AGBL4: variants seen among roughly 807,000 people sequenced by gnomAD.
The protein encoded by AGBL4 is cytosolic carboxypeptidase 6.
In AGBL4, 58 loss-of-function variants were observed where a neutral mutation model predicts 66.4. The ratio of observed to expected loss-of-function variants is 0.87; its 90% CI spans 0.71 to 1.09. AGBL4 has a LOEUF of 1.09. Among genes scored for constraint, AGBL4 ranks in the 50% least tolerant of loss-of-function variants. The pLI is 0.00. For missense variants in AGBL4, 579 were observed against 631.0 expected, an observed-to-expected ratio of 0.92 and a Z score of 0.88; for synonymous variants, 234 against 222.9, an observed-to-expected ratio of 1.05 and a Z score of -0.44.
At chr1:49,541,186 C>A (rs1318382393) in intron 3 of AGBL4, among the ~76,000 whole-genome samples, 2 of 152,230 alleles carry the variant, frequency 1.3e-5, no homozygotes, top group Non-Finnish European at 2.9e-5. Context: ...GCTGGCAGCC[C>A]TCACTCACTC....
chr1:48,940,987 G>A (rs747424454), intron 5 of AGBL4, among the ~76,000 whole-genome samples: 1 of 152,072 alleles, frequency 6.6e-6, no homozygotes, highest in Non-Finnish European at 1.5e-5. Context: ...GAGGGGAGTG[G>A]GCAGGCAGAG....
At chr1:48,973,814 T>A (rs1205699734) in intron 5 of AGBL4, among the ~76,000 whole-genome samples, 2 of 152,172 alleles carry the variant, frequency 1.3e-5, no homozygotes, top group Non-Finnish European at 2.9e-5. Flanking sequence ...GGAACTGTCA[T>A]CTACACTTAT....
chr1:49,043,069 G>A (rs989414359), intron 5 of AGBL4, among the ~76,000 whole-genome samples: 6 of 152,038 alleles, frequency 3.9e-5, no homozygotes, highest in Admixed American at 2.0e-4. Context: ...AAAAAAGATC[G>A]CAATTCATAT....
intron 3 of AGBL4, among the ~76,000 whole-genome samples, chr1:49,249,915 C>T (rs1651916748): frequency 6.6e-6 from 1 of 152,138 alleles, no homozygotes; most frequent in African/African-American, 2.4e-5. Flanking sequence ...TAAATCCTGT[C>T]ATTTGCAGCA....
intron 6 of AGBL4, among the ~76,000 whole-genome samples, chr1:48,724,116 T>C (rs867880233): frequency 6.6e-6 from 1 of 152,146 alleles, no homozygotes; most frequent in East Asian, 1.9e-4. Context: ...CAGTAAGGAA[T>C]GAACAGGTGT....
chr1:48,712,984 C>T (rs1395105319), intron 6 of AGBL4, among the ~76,000 whole-genome samples: 1 of 152,138 alleles, frequency 6.6e-6, no homozygotes. Context: ...TTGTCACTCC[C>T]AGGGGTGCAG....
chr1:48,634,894 C>T (rs1570082341), intron 8 of AGBL4, among the ~76,000 whole-genome samples: 1 of 152,166 alleles, frequency 6.6e-6, no homozygotes, highest in South Asian at 2.1e-4. Context: ...AGACACATGA[C>T]CCATAGACAC....
chr1:48,560,965 T>C (rs1557786660), intron 11 of AGBL4, among the ~76,000 whole-genome samples: 2 of 152,374 alleles, frequency 1.3e-5, no homozygotes, highest in East Asian at 3.9e-4. Context: ...AAGCTTCTTG[T>C]GATTTGCCCC....
At chr1:49,677,986 C>T (rs1455990699) in intron 3 of AGBL4, among the ~76,000 whole-genome samples, 1 of 152,086 alleles carries the variant, frequency 6.6e-6, no homozygotes, top group African/African-American at 2.4e-5. Flanking sequence ...TATTTTGTTA[C>T]GGCACCTAAA....
At chr1:49,780,275 G>A (rs1302515277) in intron 2 of AGBL4, among the ~76,000 whole-genome samples, 3 of 152,128 alleles carry the variant, frequency 2.0e-5, no homozygotes, top group South Asian at 4.2e-4. Flanking sequence ...TTTTAAAAAC[G>A]TGTAATTGTA....
chr1:49,465,982 T>C (rs909392718), intron 3 of AGBL4, among the ~76,000 whole-genome samples: 1 of 151,860 alleles, frequency 6.6e-6, no homozygotes, highest in Non-Finnish European at 1.5e-5. Context: ...ATGACTCATT[T>C]TATTGCTTCA....
rs141728001 is a variant in AGBL4, at chr1:49,636,158, G to T, written c.282+61155C>A. Among the ~76,000 whole-genome samples, 513 of 152,248 alleles carry T rather than the reference G, an allele frequency of 3.4e-3. 5 individuals carry two copies. Among genetic ancestry groups the T allele is most frequent in the African/African-American group, 0.012 (496 of 41,554 alleles). Reference sequence around the variant, plus strand: ...AACCAGAGAGTAGAATGGATAAACTGAGTGTTATAACAAAATATAACAGAG... The same window carrying T: ...AACCAGAGAGTAGAATGGATAAACTTAGTGTTATAACAAAATATAACAGAG... On this transcript the variant is annotated intron_variant, in intron 3 of 13. Transcript: ENST00000371839.
At chr1:49,521,756 T>C (rs879375850) in intron 3 of AGBL4, among the ~76,000 whole-genome samples, 2 of 152,130 alleles carry the variant, frequency 1.3e-5, no homozygotes, top group East Asian at 1.9e-4. Flanking sequence ...TGGCAAAGAA[T>C]TAATGACTAA....
chr1:49,247,810 T>C (rs1183468725), intron 3 of AGBL4, among the ~76,000 whole-genome samples: 1 of 152,202 alleles, frequency 6.6e-6, no homozygotes, highest in Admixed American at 6.5e-5. Context: ...TTAAATATGC[T>C]ACATTATTTG....
intron 4 of AGBL4, among the ~76,000 whole-genome samples, chr1:49,075,074 T>A (rs970026604): frequency 1.3e-5 from 2 of 152,214 alleles, no homozygotes; most frequent in African/African-American, 4.8e-5. Context: ...CCCTGGACAT[T>A]TCACTCATGA....
chr1:49,556,508 A>G (rs1157989981), intron 3 of AGBL4, among the ~76,000 whole-genome samples: 1 of 95,794 alleles, frequency 1.0e-5, no homozygotes, highest in South Asian at 2.8e-4. Context: ...AAAGTATAAT[A>G]AAAAAAATTA....
chr1:49,431,541 A>C lies in AGBL4; in HGVS notation c.283-185677T>G, dbSNP rs542458458. ...ATTAGGTCATATATGTTTGGTATCC[A>C]GTCAAGACTTTCTTTAACAATGTCC... On this transcript the variant is annotated intron_variant, in intron 3 of 13. Coordinates refer to ENST00000371839, the MANE Select transcript of AGBL4 (RefSeq NM_032785.4). Among the ~76,000 whole-genome samples, 26 of 152,316 alleles carry C rather than the reference A, an allele frequency of 1.7e-4. 1 individual carries two copies. The South Asian group carries it at 5.2e-3, about 30-fold the overall frequency.
chr1:49,341,849 C>T (rs1053743740), intron 3 of AGBL4, among the ~76,000 whole-genome samples: 3 of 152,180 alleles, frequency 2.0e-5, no homozygotes, highest in Non-Finnish European at 4.4e-5. Flanking sequence ...CTCCCTGACC[C>T]TGCGACAGGC....
chr1:49,446,575 G>A (rs1002721517), intron 3 of AGBL4, among the ~76,000 whole-genome samples: 1 of 152,208 alleles, frequency 6.6e-6, no homozygotes, highest in Non-Finnish European at 1.5e-5. Flanking sequence ...GGCCCCAGTT[G>A]TGGCATCAGT....
Sources: allele counts gnomAD v4.1 joint callset (sites outside exome capture counted in the v4.1 genomes callset), GRCh38; gene constraint gnomAD v4.1.1; transcripts MANE v1.5; gene names NCBI Gene and HGNC (gene_info 2026-07-23, HGNC 2026-07-21).